STON1: variants seen among roughly 807,000 people sequenced by gnomAD.
STON1 encodes stonin 1.
In STON1, 79 loss-of-function variants were observed where a neutral mutation model predicts 60.9. The ratio of observed to expected loss-of-function variants is 1.30; its 90% CI spans 1.08 to 1.56. The LOEUF (loss-of-function observed/expected upper bound fraction) is 1.56. Among genes scored for constraint, STON1 ranks in the 40% most tolerant of loss-of-function variants. The pLI is 0.00. For synonymous variants in STON1, 363 were observed against 306.9 expected (o/e 1.18, Z -1.91); for missense variants, 1,166 against 858.9 (o/e 1.36, Z -4.47).
In STON1 at chr2:48,560,567, G is replaced by A. The variant is rs147084412; in HGVS notation, c.-47-20020G>A. On this transcript the variant is annotated intron_variant, in intron 1 of 3. Transcript: ENST00000404752. ...GTCTGCCTCCTTCTGAAGGCCAGGG[G>A]TGGGCTACATTTTTTGGAGAGTAGG... is the stretch of plus-strand genomic sequence containing the variant. Among the ~76,000 whole-genome samples the A allele has an allele frequency of 2.5e-3, 388 of 152,316 alleles. 3 individuals are homozygous for A. Among genetic ancestry groups the A allele is most frequent in the African/African-American group, 8.8e-3 (364 of 41,568 alleles).
intron 1 of STON1, among the ~76,000 whole-genome samples, chr2:48,571,370 G>T (rs537244714): frequency 1.3e-5 from 2 of 152,304 alleles, no homozygotes; most frequent in South Asian, 2.1e-4. Context: ...TGCACTAACT[G>T]GATTTGAGAC....
chr2:48,561,099 C>T (rs536766839), intron 1 of STON1, among the ~76,000 whole-genome samples: 10 of 152,330 alleles, frequency 6.6e-5, no homozygotes, highest in African/African-American at 2.2e-4. Flanking sequence ...GCTCTCACAG[C>T]GCTGAAAGAC....
intron 2 of STON1, among the ~76,000 whole-genome samples, chr2:48,591,327 T>C (rs1252347046): frequency 6.6e-6 from 1 of 150,948 alleles, no homozygotes; most frequent in African/African-American, 2.4e-5. Context: ...ATATTAGTAA[T>C]ATTTCTAATT....
chr2:48,561,506 A>G (rs994629638), intron 1 of STON1, among the ~76,000 whole-genome samples: 1 of 152,210 alleles, frequency 6.6e-6, no homozygotes, highest in Non-Finnish European at 1.5e-5. Context: ...CTGATTCATT[A>G]TCTACGAAGC....
chr2:48,577,535 C>T (rs541572029), intron 1 of STON1, among the ~76,000 whole-genome samples: 2 of 149,894 alleles, frequency 1.3e-5, no homozygotes, highest in South Asian at 2.1e-4. Context: ...GAGTTGAGAT[C>T]GGGCCACTGC....
rs888775560 is a variant in STON1 at position 48,557,696 on chromosome 2, G to A, written c.-47-22891G>A. Among the ~76,000 whole-genome samples the A allele has an allele frequency of 5.1e-4, 35 of 69,026 alleles. 7 individuals carry two copies. Among genetic ancestry groups the A allele is most frequent in the African/African-American group, 1.8e-3 (35 of 19,830 alleles). 45.3% of individuals were successfully genotyped at this position (69,026 alleles called of 152,430 possible). A position where few individuals can be genotyped will look rare whatever the true frequency, so the allele number is the denominator to read the frequency against. On this transcript the variant is annotated intron_variant, in intron 1 of 3. Transcript: ENST00000404752. ...GTCTGCAATCCCGGCACCTCGGGAGGCCGAGGTTGGCGGATCACTCGCGGT... is the reference window on the plus strand; with the variant it reads ...GTCTGCAATCCCGGCACCTCGGGAGACCGAGGTTGGCGGATCACTCGCGGT...
intron 2 of STON1, among the ~76,000 whole-genome samples, chr2:48,584,811 G>A (rs1674110839): frequency 6.6e-6 from 1 of 152,138 alleles, no homozygotes; most frequent in South Asian, 2.1e-4. Flanking sequence ...TTGAGGGGCA[G>A]CACTGCCCGT....
intron 1 of STON1, among the ~76,000 whole-genome samples, chr2:48,564,465 TTC>T (rs1202971730): frequency 4.7e-4 from 26 of 55,626 alleles, no homozygotes; most frequent in East Asian, 1.3e-3. Context: ...CTTCTTCTTC[TTC>T]TTCTTCTTCT....
chr2:48,564,482 T>TTCTTC (rs1558604809), intron 1 of STON1, among the ~76,000 whole-genome samples: 1 of 25,758 alleles, frequency 3.9e-5, no homozygotes, highest in Non-Finnish European at 8.1e-5. Context: ...TCTTCTTCTT[T>TTCTTC]CTTCTTCTTC....
chr2:48,580,144 G>C (rs2103112), intron 1 of STON1, among the ~76,000 whole-genome samples: 1 of 151,906 alleles, frequency 6.6e-6, no homozygotes, highest in African/African-American at 2.4e-5. Flanking sequence ...CTGACCTCAG[G>C]TGACCTGCTT....
chr2:48,572,963 TG>T (rs1393922120), intron 1 of STON1, among the ~76,000 whole-genome samples: 1 of 152,212 alleles, frequency 6.6e-6, no homozygotes, highest in Non-Finnish European at 1.5e-5. Context: ...CTCCGCTGTG[TG>T]TTTTTGTGCC....
Position 48,575,849 on chromosome 2 carries a change from C to G in STON1, c.-47-4738C>G, listed in dbSNP as rs185486902. Among the ~76,000 whole-genome samples the G allele has an allele frequency of 3.8e-3, 564 of 146,952 alleles. 1 individual carries two copies. The highest frequency in any genetic ancestry group is 0.013 in the African/African-American group (527 of 40,264). ...TACCCATTCACTGCAACATCTGCCT[C>G]CTGGGTTCAAGCAATTCTCCTGCCT... On this transcript the variant is annotated intron_variant, in intron 1 of 3. Coordinates refer to ENST00000404752, the MANE Select transcript of STON1 (RefSeq NM_006873.4).
intron 1 of STON1, among the ~76,000 whole-genome samples, chr2:48,577,666 A>T (rs1673595309): frequency 6.6e-6 from 1 of 151,210 alleles, no homozygotes; most frequent in Non-Finnish European, 1.5e-5. Context: ...CCCAGGCTGG[A>T]GTGCAGTGGC....
chr2:48,563,589 G>A (rs1428074377), intron 1 of STON1, among the ~76,000 whole-genome samples: 2 of 152,176 alleles, frequency 1.3e-5, no homozygotes, highest in African/African-American at 2.4e-5. Context: ...CAGAGGTAAA[G>A]GTGGACTGTG....
At chr2:48,550,696 G>C (rs1268377598) in intron 1 of STON1, among the ~76,000 whole-genome samples, 2 of 151,454 alleles carry the variant, frequency 1.3e-5, no homozygotes, top group Non-Finnish European at 2.9e-5. Context: ...ATGATAACTG[G>C]TTAGCTCAAA....
chr2:48,580,933 T>C lies in STON1; in HGVS notation c.300T>C (p.His100=), dbSNP rs780536399. The C allele has an allele frequency of 6.3e-7, 1 of 1,599,968 alleles. No individual in the cohort carries two copies. The highest frequency in any genetic ancestry group is 1.3e-5 in the African/African-American group (1 of 74,362). Reference sequence around the variant, plus strand: ...CTGGCATCCCCAAAGCAGGGACTCATGTGCTTTATCCTATTCCAGAATCAT... The same window carrying C: ...CTGGCATCCCCAAAGCAGGGACTCACGTGCTTTATCCTATTCCAGAATCAT... The part of the protein sequence containing the change: ...GFPGIPKAGT[H]VLYPIPESSS... The change falls in exon 2 of 4, where the codon CAT becomes CAC. Residue 100 remains histidine, a synonymous_variant. Coordinates refer to ENST00000404752, the MANE Select transcript of STON1 (RefSeq NM_006873.4).
intron 1 of STON1, among the ~76,000 whole-genome samples, chr2:48,548,644 G>A (rs10202981): frequency 1.3e-5 from 2 of 151,982 alleles, no homozygotes; most frequent in East Asian, 3.9e-4. Flanking sequence ...GATTACAGGC[G>A]TGCACCAGCA....
chr2:48,530,307 G>A (rs1671151617), intron 1 of STON1, 91 bp downstream of exon 1: 2 of 326,126 alleles, frequency 6.1e-6, no homozygotes, highest in African/African-American at 4.6e-5. Flanking sequence ...GAAAGTTTGC[G>A]GGCGCCCCGG....
intron 1 of STON1, among the ~76,000 whole-genome samples, chr2:48,572,019 C>G: frequency 6.6e-6 from 1 of 151,978 alleles, no homozygotes; most frequent in East Asian, 1.9e-4. Flanking sequence ...AAAAATTAGC[C>G]TGGCATGGTG....
Sources: gnomAD v4.1 joint callset for allele counts (sites outside exome capture counted in the v4.1 genomes callset) on GRCh38, gnomAD v4.1.1 for gene constraint, MANE v1.5 for transcripts, NCBI Gene and HGNC (gene_info 2026-07-23, HGNC 2026-07-21) for gene names.